Variants in ZIM2 observed in about 807,000 individuals in gnomAD.
ZIM2 encodes the protein zinc finger protein 656.
A neutral mutation model predicts 38.6 loss-of-function variants in ZIM2; 14 were observed. That is an observed-to-expected ratio of 0.36 (90% CI 0.24 to 0.57). The LOEUF is 0.57. ZIM2 is among the 20% of genes least tolerant of loss of function. ZIM2 has a pLI of 0.81. For synonymous variants in ZIM2, 247 were observed against 245.8 expected, an observed-to-expected ratio of 1.00 and a Z score of -0.04; for missense variants, 680 against 695.1, an observed-to-expected ratio of 0.98 and a Z score of 0.24.
intron 12 of ZIM2, among the ~76,000 whole-genome samples, chr19:56,779,109 G>C (rs1024371030): frequency 6.6e-6 from 1 of 152,048 alleles, no homozygotes; most frequent in Non-Finnish European, 1.5e-5. Flanking sequence ...GAGGAGAGAT[G>C]TATGATGTTT....
At chr19:56,796,933 G>A (rs1163423471) in intron 9 of ZIM2, among the ~76,000 whole-genome samples, 2 of 152,190 alleles carry the variant, frequency 1.3e-5, no homozygotes, top group African/African-American at 2.4e-5. Flanking sequence ...TCTTGTCTAC[G>A]TAAAGACTAA....
chr19:56,839,241 C>T (rs1359327477), intron 1 of ZIM2, among the ~76,000 whole-genome samples: 4 of 149,436 alleles, frequency 2.7e-5, no homozygotes, highest in Non-Finnish European at 6.0e-5. Context: ...AGCACCTGCG[C>T]AGCAAACTCC....
rs1403739207 is a variant in ZIM2 at position 56,814,852 on chromosome 19, T to A, written c.490+2894A>T. On this transcript the variant is annotated intron_variant, in intron 9 of 12. Coordinates refer to ENST00000629319, the MANE Select transcript of ZIM2 (RefSeq NM_001387356.1). The surrounding 1 kb of genome is among the most constrained non-coding windows in gnomAD (Gnocchi z 5.8). ...GGGCAAGAGGGCAATAAAACCATCATCACACCCCTTCATGGAATACAACTG... is the reference window on the plus strand; with the variant it reads ...GGGCAAGAGGGCAATAAAACCATCAACACACCCCTTCATGGAATACAACTG... The A allele has an allele frequency of 1.9e-6, 3 of 1,614,022 alleles. No individual in the cohort carries two copies. Among genetic ancestry groups the A allele is most frequent in the South Asian group, 2.2e-5 (2 of 91,076 alleles).
At chr19:56,815,137 G>C (rs760113517) in intron 9 of ZIM2, 8 of 1,613,920 alleles carry the variant, frequency 5.0e-6, no homozygotes, top group South Asian at 3.3e-5. Context: ...TTTGTCATCA[G>C]GGTCATCCTT....
chr19:56,836,590 G>A (rs888114225), intron 1 of ZIM2, among the ~76,000 whole-genome samples: 1 of 152,184 alleles, frequency 6.6e-6, no homozygotes, highest in Non-Finnish European at 1.5e-5. Flanking sequence ...GAGGTCCCTG[G>A]GGGAAGGACC....
intron 1 of ZIM2, among the ~76,000 whole-genome samples, 163 bp downstream of exon 1, chr19:56,840,419 C>T (rs2062875750): frequency 6.6e-6 from 1 of 152,190 alleles, no homozygotes; most frequent in Non-Finnish European, 1.5e-5. Flanking sequence ...GACTGGGCAG[C>T]GGGCGGCCAA....
intron 9 of ZIM2, among the ~76,000 whole-genome samples, chr19:56,795,597 C>G (rs142342307): frequency 1.4e-4 from 22 of 152,296 alleles, no homozygotes; most frequent in Non-Finnish European, 2.1e-4. Flanking sequence ...CGCTCCTGGC[C>G]AAGTGCCCTG....
At chr19:56,797,160 T>A (rs529006851) in intron 9 of ZIM2, among the ~76,000 whole-genome samples, 7 of 151,974 alleles carry the variant, frequency 4.6e-5, no homozygotes, top group South Asian at 2.1e-4. Context: ...AAAAATATTT[T>A]TAAAAAATAG....
At position 56,779,409 on chromosome 19, in the gene ZIM2, T is replaced by A; in HGVS notation, c.803A>T (p.Glu268Val). The A allele has an allele frequency of 6.2e-7, 1 of 1,613,970 alleles. No homozygotes were observed. The highest frequency in any genetic ancestry group is 8.5e-7 in the Non-Finnish European group (1 of 1,179,920). Residue 268 changes from glutamate to valine, a missense_variant, in exon 12 of 13, where the codon GAG (glutamate) becomes GTG (valine). Coordinates refer to ENST00000629319, the MANE Select transcript of ZIM2 (RefSeq NM_001387356.1). ...RLEEEESYAMETDSRHTVICQ... is the reference protein window; with the variant it reads ...RLEEEESYAMVTDSRHTVICQ... Reference sequence around the variant, plus strand: ...AATCACTGTATGTCTGCTGTCTGTCTCCATTGCATATGATTCCTCCTCTTC... The same window carrying A: ...AATCACTGTATGTCTGCTGTCTGTCACCATTGCATATGATTCCTCCTCTTC...
chr19:56,834,006 T>C (rs1481566274), intron 2 of ZIM2, among the ~76,000 whole-genome samples: 1 of 152,142 alleles, frequency 6.6e-6, no homozygotes, highest in Non-Finnish European at 1.5e-5. Context: ...TCCCCAAAAG[T>C]TTAGAAAGAG....
chr19:56,797,557 C>T (rs1297998101), intron 9 of ZIM2, among the ~76,000 whole-genome samples: 36 of 152,144 alleles, frequency 2.4e-4, no homozygotes, highest in Non-Finnish European at 1.0e-4. Context: ...CCTGTGAAAA[C>T]CTCCTACATG....
chr19:56,782,171 T>A, intron 10 of ZIM2, 50 bp from the exon 11 acceptor site: 2 of 1,588,904 alleles, frequency 1.3e-6, no homozygotes, highest in East Asian at 4.5e-5. Flanking sequence ...CTGAACATGA[T>A]GCAGGCATTC....
At chr19:56,817,398 G>C (rs758292805) in intron 9 of ZIM2, 3 of 1,614,036 alleles carry the variant, frequency 1.9e-6, no homozygotes, top group Non-Finnish European at 2.5e-6. Context: ...TGTCCTTCCA[G>C]TTATCATCTG....
chr19:56,805,200 A>T (rs1165932752), intron 9 of ZIM2, among the ~76,000 whole-genome samples: 1 of 152,152 alleles, frequency 6.6e-6, no homozygotes, highest in Non-Finnish European at 1.5e-5. Flanking sequence ...TGGTAGCATC[A>T]CCCCTTCAGT....
intron 10 of ZIM2, among the ~76,000 whole-genome samples, chr19:56,788,897 T>C (rs1408791704): frequency 6.6e-6 from 1 of 151,858 alleles, no homozygotes; most frequent in East Asian, 2.0e-4. Flanking sequence ...TTTCATTAAA[T>C]TGATCTCCAG....
intron 9 of ZIM2, chr19:56,790,190 G>A (rs1210736044): frequency 1.3e-5 from 5 of 376,264 alleles, no homozygotes; most frequent in Non-Finnish European, 2.4e-5. Flanking sequence ...TCCAAATAAA[G>A]TGAAAGTTCC....
chr19:56,775,850 C>T (rs969684291), intron 12 of ZIM2, among the ~76,000 whole-genome samples: 1 of 151,750 alleles, frequency 6.6e-6, no homozygotes, highest in Admixed American at 6.6e-5. Context: ...ACCTGTAATC[C>T]CAGCACCTTG....
rs2060121713 is a variant in ZIM2, at chr19:56,817,827, C to A, written c.409G>T (p.Ala137Ser). ...RKLLSLGVQLAEDDGHSHMTQ... is the reference protein window; with the variant it reads ...RKLLSLGVQLSEDDGHSHMTQ... ...ATGTGGGAGTGGCCATCGTCTTCAG[C>A]AAGCTGCACTCCTGGTCACAAGGAC... Residue 137 changes from alanine to serine, a missense_variant, in exon 9 of 13, where the codon GCT becomes TCT. Transcript: ENST00000629319. The A allele has an allele frequency of 6.2e-7, 1 of 1,613,808 alleles. No individual in the cohort carries two copies. Among genetic ancestry groups the A allele is most frequent in the African/African-American group, 1.3e-5 (1 of 74,918 alleles).
chr19:56,812,042 T>G, intron 9 of ZIM2: 4 of 984,180 alleles, frequency 4.1e-6, no homozygotes, highest in Non-Finnish European at 4.8e-6. Flanking sequence ...AGAGTAAGAT[T>G]CAGACACATT....
Sources: allele counts gnomAD v4.1 joint callset (sites outside exome capture counted in the v4.1 genomes callset), GRCh38; gene constraint gnomAD v4.1.1; non-coding constraint Gnocchi (gnomAD v3.1); transcripts MANE v1.5; gene names NCBI Gene and HGNC (gene_info 2026-07-23, HGNC 2026-07-21).